The following HTR4 variants were observed in gnomAD, a reference collection of about 807,000 sequenced individuals.
The protein encoded by HTR4 is 5-hydroxytryptamine receptor 4, also known as 5-hydroxytryptamine (serotonin) receptor 4, G protein-coupled.
HTR4 carries 16 observed loss-of-function variants against 36.8 expected under a neutral mutation model. The ratio of observed to expected loss-of-function variants is 0.43; its 90% confidence interval spans 0.29 to 0.66. The LOEUF is 0.66. Among genes scored for constraint, HTR4 ranks in the 30% least tolerant of loss-of-function variants. The pLI is 0.13. For synonymous variants in HTR4, 189 were observed against 185.1 expected (o/e 1.02, Z -0.17); for missense variants, 438 against 490.9 (o/e 0.89, Z 1.02).
chr5:148,654,319 C>G lies in HTR4; in HGVS notation c.-305G>C. 3.0e-6 allele frequency: 3 copies of G among 984,848 alleles called. No homozygotes were observed. Among genetic ancestry groups the G allele is most frequent in the African/African-American group, 1.7e-5 (1 of 57,346 alleles). 61.0% of individuals were successfully genotyped at this position (984,848 alleles called of 1,614,324 possible). The stretch of plus-strand genomic sequence containing the variant: ...GCCGCGCATCGTCCTTCTCCCCAAC[C>G]GAGCCGGACTCCACGGGCTCAACAG... On this transcript the variant is annotated 5_prime_UTR_variant, in exon 1 of 7. Transcript: ENST00000377888.
At chr5:148,629,944 A>G (rs1442544698) in intron 2 of HTR4, 3 of 152,184 alleles carry the variant, frequency 2.0e-5, no homozygotes, top group African/African-American at 4.8e-5. Flanking sequence ...GAGAGATTCA[A>G]CATGGAAATT....
chr5:148,642,533 G>T (rs1753758633), intron 1 of HTR4, among the ~76,000 whole-genome samples: 1 of 152,120 alleles, frequency 6.6e-6, no homozygotes, highest in African/African-American at 2.4e-5. Flanking sequence ...TGTTGACTTT[G>T]TCACCTCACT....
intron 2 of HTR4, among the ~76,000 whole-genome samples, chr5:148,602,524 G>A (rs1166222701): frequency 6.6e-6 from 1 of 152,024 alleles, no homozygotes; most frequent in African/African-American, 2.4e-5. Flanking sequence ...TACGTTATAA[G>A]AAAAATTGTT....
downstream of HTR4, among the ~76,000 whole-genome samples, chr5:148,472,722 A>G (rs1262749054): frequency 3.3e-5 from 5 of 152,278 alleles, no homozygotes; most frequent in East Asian, 1.9e-4. Context: ...GAAGAAAAGC[A>G]TGGTTAGCAG....
At chr5:148,539,860 C>A (rs1759018687) in intron 4 of HTR4, among the ~76,000 whole-genome samples, 1 of 152,106 alleles carries the variant, frequency 6.6e-6, no homozygotes, top group Non-Finnish European at 1.5e-5. Context: ...CCCAGCAATC[C>A]CATTACTCGG....
downstream of HTR4, among the ~76,000 whole-genome samples, chr5:148,473,728 A>G (rs144728380): frequency 6.6e-6 from 1 of 152,282 alleles, no homozygotes; most frequent in East Asian, 1.9e-4. Context: ...TTGGTGAGGT[A>G]GTCTAGGGCA....
chr5:148,613,902 G>T (rs1752549441), intron 2 of HTR4, among the ~76,000 whole-genome samples: 3 of 152,148 alleles, frequency 2.0e-5, no homozygotes, highest in Admixed American at 2.0e-4. Context: ...CAAACAGAGA[G>T]CCAAACCATG....
At chr5:148,620,053 A>C (rs952314858) in intron 2 of HTR4, among the ~76,000 whole-genome samples, 1 of 152,182 alleles carries the variant, frequency 6.6e-6, no homozygotes, top group Non-Finnish European at 1.5e-5. Context: ...AGGGGAAAAG[A>C]GGTAATGTAA....
intron 1 of HTR4, among the ~76,000 whole-genome samples, chr5:148,651,689 TAATAATATTATTGAATATTATTG>T (rs1428231198): frequency 2.0e-5 from 3 of 151,844 alleles, no homozygotes; most frequent in East Asian, 3.8e-4. Context: ...GAAGTTACCT[TAATAATATTATTGAATATTATTG>T]AATAATATTA....
At chr5:148,612,654 C>T (rs1173951956) in intron 2 of HTR4, among the ~76,000 whole-genome samples, 1 of 131,372 alleles carries the variant, frequency 7.6e-6, no homozygotes, top group African/African-American at 2.9e-5. Context: ...CAAAAGCTAG[C>T]AGAAGGCAAG....
At chr5:148,469,692 C>A (rs1009435336) in intron 5 of HTR4, among the ~76,000 whole-genome samples, 1 of 152,202 alleles carries the variant, frequency 6.6e-6, no homozygotes, top group African/African-American at 2.4e-5. Context: ...ATCCAATTAT[C>A]CCAGCTTCCT....
At chr5:148,546,365 A>C (rs571979901) in intron 4 of HTR4, among the ~76,000 whole-genome samples, 1 of 152,346 alleles carries the variant, frequency 6.6e-6, no homozygotes, top group African/African-American at 2.4e-5. Flanking sequence ...TAGACTCAGA[A>C]AGGCTTAATC....
intron 6 of HTR4, among the ~76,000 whole-genome samples, chr5:148,498,642 A>G (rs529725563): frequency 6.6e-6 from 1 of 152,312 alleles, no homozygotes; most frequent in Non-Finnish European, 1.5e-5. Flanking sequence ...CATGAGAAAT[A>G]GTGCTGTAAA....
chr5:148,469,383 C>T (rs1755510029), intron 5 of HTR4, among the ~76,000 whole-genome samples: 2 of 152,296 alleles, frequency 1.3e-5, no homozygotes, highest in Middle Eastern at 6.8e-3. Flanking sequence ...GCACACTGTG[C>T]TTAAATGAGT....
intron 2 of HTR4, among the ~76,000 whole-genome samples, chr5:148,561,055 T>G (rs995132376): frequency 6.6e-6 from 1 of 152,176 alleles, no homozygotes; most frequent in Non-Finnish European, 1.5e-5. Context: ...ATAATTTTAT[T>G]TGATTTTTTT....
intron 4 of HTR4, among the ~76,000 whole-genome samples, chr5:148,537,429 A>C (rs1357484146): frequency 2.0e-5 from 3 of 152,188 alleles, no homozygotes; most frequent in African/African-American, 7.2e-5. Context: ...AAAAACATTC[A>C]AAAGATCAAT....
intron 4 of HTR4, among the ~76,000 whole-genome samples, chr5:148,530,493 G>T (rs1034219927): frequency 2.0e-5 from 3 of 152,198 alleles, no homozygotes; most frequent in African/African-American, 7.2e-5. Context: ...CAGAAGTCAA[G>T]AATTAAGGTT....
chr5:148,501,365 T>C (rs547833899), intron 6 of HTR4, among the ~76,000 whole-genome samples: 116 of 152,312 alleles, frequency 7.6e-4, no homozygotes, highest in African/African-American at 2.5e-3. Flanking sequence ...ATGTTAACTA[T>C]TGCCTCTGGG....
At chr5:148,474,153 C>T (rs1008905098), downstream of HTR4, among the ~76,000 whole-genome samples, 5 of 152,182 alleles carry the variant, frequency 3.3e-5, no homozygotes, top group African/African-American at 1.2e-4. Flanking sequence ...AGAGGTCCCA[C>T]CAGAAATGGT....
Sources: allele counts gnomAD v4.1 joint callset (sites outside exome capture counted in the v4.1 genomes callset), GRCh38; gene constraint gnomAD v4.1.1; transcripts MANE v1.5; gene names NCBI Gene and HGNC (gene_info 2026-07-23, HGNC 2026-07-21).